Variants in FGF13 observed in about 807,000 individuals in gnomAD.
FGF13 encodes the protein fibroblast growth factor 13.
A neutral mutation model predicts 19.5 loss-of-function variants in FGF13; 2 were observed. The observed-to-expected ratio is 0.10, with a 90% CI of 0.04 to 0.32. FGF13 has a LOEUF of 0.32. Ranked by LOEUF, FGF13 falls within the 10% of genes least tolerant of loss-of-function variation. The pLI, the probability that FGF13 is intolerant of heterozygous loss-of-function variation, is 1.00. For missense variants in FGF13, 113 were observed against 192.7 expected (o/e 0.59, Z 2.45); for synonymous variants, 72 against 76.9 (o/e 0.94, Z 0.33).
chrX:138,824,858 T>C (rs2091023405), intron 3 of FGF13, among the ~76,000 whole-genome samples: 1 of 111,784 alleles, frequency 8.9e-6, no homozygotes, highest in Non-Finnish European at 1.9e-5. Flanking sequence ...AGGAACAATG[T>C]CTTTCTGCTT....
intron 4 of FGF13, among the ~76,000 whole-genome samples, chrX:138,633,915 T>C (rs1259272788): frequency 9.0e-6 from 1 of 111,607 alleles, no homozygotes; most frequent in African/African-American, 3.3e-5. Context: ...TTGCACAGTG[T>C]CTGCCTCTAC....
chrX:139,067,427 C>G (rs1236206614), intron 1 of FGF13, among the ~76,000 whole-genome samples: 1 of 111,943 alleles, frequency 8.9e-6, no homozygotes, highest in African/African-American at 3.2e-5. Flanking sequence ...TAAGCAAATT[C>G]AGCAAAGTGT....
intron 1 of FGF13, among the ~76,000 whole-genome samples, chrX:138,718,316 A>G (rs1274310600): frequency 1.8e-5 from 2 of 112,126 alleles, no homozygotes; most frequent in South Asian, 3.7e-4. Context: ...TGAACTAGGT[A>G]ACCTAAATGA....
At chrX:139,066,796 T>C (rs774341232) in intron 1 of FGF13, among the ~76,000 whole-genome samples, 5 of 109,838 alleles carry the variant, frequency 4.6e-5, no homozygotes, top group Non-Finnish European at 9.5e-5. Flanking sequence ...ATCATCCTGA[T>C]ACCAAAGCCT....
intron 3 of FGF13, among the ~76,000 whole-genome samples, chrX:138,702,098 C>T (rs17538879): frequency 0.015 from 1,627 of 111,354 alleles, 21 homozygotes; most frequent in African/African-American, 0.05. Context: ...GCCTGGCCAA[C>T]GTGGTGAAAC....
intron 3 of FGF13, among the ~76,000 whole-genome samples, chrX:138,665,983 A>C (rs2089539181): frequency 8.9e-6 from 1 of 111,870 alleles, no homozygotes; most frequent in African/African-American, 3.2e-5. Context: ...TCAGATGAGA[A>C]GTGAAACCAT....
At chrX:139,167,751 C>T (rs1250050018) in intron 1 of FGF13, among the ~76,000 whole-genome samples, 1 of 111,972 alleles carries the variant, frequency 8.9e-6, no homozygotes, top group Non-Finnish European at 1.9e-5. Flanking sequence ...CATTCATCAG[C>T]CCACAAAGTC....
chrX:139,058,362 C>T (rs2092326182), intron 1 of FGF13, among the ~76,000 whole-genome samples: 1 of 111,813 alleles, frequency 8.9e-6, no homozygotes, highest in Non-Finnish European at 1.9e-5. Flanking sequence ...TTCATGAAAG[C>T]TATTTTCAAG....
intron 1 of FGF13, among the ~76,000 whole-genome samples, chrX:139,022,438 G>T (rs2092181611): frequency 9.0e-6 from 1 of 111,639 alleles, no homozygotes; most frequent in Admixed American, 9.5e-5. Context: ...AAGTTAAAAA[G>T]CAGTAATCAC....
chrX:139,204,112 C>G, upstream of FGF13: 1 of 1,209,902 alleles, frequency 8.3e-7, no homozygotes, highest in Non-Finnish European at 1.1e-6. Flanking sequence ...ACTCATAGAT[C>G]CCAGCTTGCT....
intron 3 of FGF13, among the ~76,000 whole-genome samples, chrX:138,798,344 G>GT (rs1247175140): frequency 8.9e-6 from 1 of 111,950 alleles, no homozygotes; most frequent in African/African-American, 3.2e-5. Flanking sequence ...CATTGGATCT[G>GT]TTTATGTGAT....
chrX:138,623,638 A>G lies in FGF13; in HGVS notation c.*9212T>C, dbSNP rs1249848294. On this transcript the variant is annotated 3_prime_UTR_variant, in exon 5 of 5. Transcript: ENST00000315930. ...CTAAAAATACAAAAATTAGCCAGGC[A>G]TGGTGGTAGGCGCCTATAATCCCAG... 9.1e-6 allele frequency: 1 copy of G among 110,065 alleles called. No homozygotes were observed. The highest frequency in any genetic ancestry group is 1.9e-5 in the Non-Finnish European group (1 of 52,802). 9.1% of individuals were successfully genotyped at this position (110,065 alleles called of 1,213,427 possible). A position where few individuals can be genotyped will look rare whatever the true frequency, so the allele number is the denominator to read the frequency against.
chrX:139,025,926 A>AC (rs2092198967), intron 1 of FGF13, among the ~76,000 whole-genome samples: 1 of 110,853 alleles, frequency 9.0e-6, no homozygotes, highest in East Asian at 2.9e-4. Context: ...TCTACATCTG[A>AC]CAATGTTGAA....
rs866825019 is a variant in FGF13 at position 138,779,534 on chromosome X, C to T, written c.218-70606G>A. On this transcript the variant is annotated intron_variant, in intron 3 of 6. Transcript: ENST00000436198. ...TGAAGAATGCAGAAGCCTCAGGAGC[C>T]GATGCGATCAACTGGAAGAAAGGGT... 2.9e-3 allele frequency among the ~76,000 whole-genome samples: 314 copies of T among 108,525 alleles called. 2 individuals carry two copies. The highest frequency in any genetic ancestry group is 8.5e-3 in the East Asian group (29 of 3,412). The allele number at this position is 108,525 out of a possible 115,157, so 94.2% of individuals were successfully genotyped here.
intron 3 of FGF13, among the ~76,000 whole-genome samples, chrX:138,770,608 C>T (rs779824821): frequency 5.1e-4 from 57 of 111,465 alleles, no homozygotes; most frequent in Non-Finnish European, 7.7e-4. Context: ...TATCGTGGCA[C>T]GTTTTTAAAT....
rs2091903575 is a variant in FGF13 at position 138,968,490 on chromosome X, T to C, written c.-112-103840A>G. 1.8e-5 allele frequency among the ~76,000 whole-genome samples: 2 copies of C among 112,367 alleles called. 1 individual carries two copies. Among genetic ancestry groups the C allele is most frequent in the South Asian group, 7.4e-4 (2 of 2,714 alleles). On this transcript the variant is annotated intron_variant, in intron 1 of 2. Transcript: ENST00000421460. Reference sequence around the variant, plus strand: ...TCCTTTTTTCTGTCTTCCTCCTTTCTTCTTCCCTGCCTTCCAGGCTTTCAT... The same window carrying C: ...TCCTTTTTTCTGTCTTCCTCCTTTCCTCTTCCCTGCCTTCCAGGCTTTCAT...
Position 139,141,060 on chromosome X carries a change from G to C in FGF13, c.-113+62356C>G, listed in dbSNP as rs951614257. On this transcript the variant is annotated intron_variant, in intron 1 of 2. Coordinates refer to the FGF13 transcript ENST00000421460. ...CCACTAGATAGATGATAGATAGATA[G>C]ATAGATAGATAGATAGATAGATAGA... is the stretch of plus-strand genomic sequence containing the variant. Among the ~76,000 whole-genome samples, 158 of 100,077 alleles carry C rather than the reference G, an allele frequency of 1.6e-3. 1 individual carries two copies. The highest frequency in any genetic ancestry group is 5.9e-3 in the African/African-American group (154 of 26,200). The allele number at this position is 100,077 out of a possible 115,157, so 86.9% of individuals were successfully genotyped here.
At chrX:139,130,268 C>CATCT (rs2083751164) in intron 1 of FGF13, among the ~76,000 whole-genome samples, 1 of 111,861 alleles carries the variant, frequency 8.9e-6, no homozygotes, top group Non-Finnish European at 1.9e-5. Flanking sequence ...TGGAACAAGG[C>CATCT]ATCTCTCCAT....
intron 3 of FGF13, among the ~76,000 whole-genome samples, chrX:138,786,913 G>C (rs1264961073): frequency 8.9e-6 from 1 of 111,952 alleles, no homozygotes; most frequent in Non-Finnish European, 1.9e-5. Flanking sequence ...AATGCAATAG[G>C]TCATTTTGGA....
Sources: gnomAD v4.1 joint callset for allele counts (sites outside exome capture counted in the v4.1 genomes callset) on GRCh38, gnomAD v4.1.1 for gene constraint, MANE v1.5 for transcripts, NCBI Gene and HGNC (gene_info 2026-07-23, HGNC 2026-07-21) for gene names.